Variants in C12orf42 observed in about 807,000 individuals in gnomAD.
The protein encoded by C12orf42 is uncharacterized protein C12orf42.
A neutral mutation model predicts 21.6 loss-of-function variants in C12orf42; 25 were observed. The ratio of observed to expected loss-of-function variants is 1.16; its 90% CI spans 0.84 to 1.62. C12orf42 has a LOEUF of 1.62. C12orf42 is among the 40% of genes most tolerant of loss of function. The pLI is 0.00. For missense variants in C12orf42, 483 were observed against 459.3 expected, an observed-to-expected ratio of 1.05 and a Z score of -0.47; for synonymous variants, 174 against 175.0, an observed-to-expected ratio of 0.99 and a Z score of 0.05.
intron 4 of C12orf42, among the ~76,000 whole-genome samples, chr12:103,355,699 C>A (rs970122042): frequency 3.3e-5 from 5 of 152,056 alleles, no homozygotes; most frequent in Non-Finnish European, 7.4e-5. Flanking sequence ...TTCCTCACAT[C>A]TCAGCACCCT....
At chr12:103,198,145 A>T in the C12orf42 span, among the ~76,000 whole-genome samples, 2 of 152,336 alleles carry the variant, frequency 1.3e-5, no homozygotes, top group South Asian at 2.1e-4. Context: ...GTGGCGGTGA[A>T]GCAACAGGAT....
At chr12:103,192,088 A>G in the C12orf42 span, among the ~76,000 whole-genome samples, 1 of 152,222 alleles carries the variant, frequency 6.6e-6, no homozygotes, top group Non-Finnish European at 1.5e-5. Context: ...ACACAAACAG[A>G]CAAAAACAAC....
chr12:103,271,824 G>A (rs891037817), intron 5 of C12orf42, among the ~76,000 whole-genome samples: 2 of 152,128 alleles, frequency 1.3e-5, no homozygotes, highest in Admixed American at 1.3e-4. Flanking sequence ...CTTTTACCTT[G>A]CTGATAGATT....
chr12:103,094,761 A>T, the C12orf42 span, among the ~76,000 whole-genome samples: 13 of 152,192 alleles, frequency 8.5e-5, no homozygotes, highest in African/African-American at 3.1e-4. Flanking sequence ...GTTGGAAAAA[A>T]GATTATTTCC....
chr12:103,057,465 T>C, the C12orf42 span, among the ~76,000 whole-genome samples: 1 of 152,134 alleles, frequency 6.6e-6, no homozygotes, highest in African/African-American at 2.4e-5. Flanking sequence ...GGTTTTCTAT[T>C]CCTATATTAC....
At chr12:103,535,478 C>T in the C12orf42 span, among the ~76,000 whole-genome samples, 1 of 151,246 alleles carries the variant, frequency 6.6e-6, no homozygotes, top group Non-Finnish European at 1.5e-5. Flanking sequence ...GGCTATAGTG[C>T]TTATATGAGG....
At chr12:103,072,975 C>T in the C12orf42 span, among the ~76,000 whole-genome samples, 2 of 152,244 alleles carry the variant, frequency 1.3e-5, no homozygotes, top group African/African-American at 2.4e-5. Context: ...GGTACATATA[C>T]ATCATGAAAT....
At chr12:103,207,926 G>T in the C12orf42 span, among the ~76,000 whole-genome samples, 4 of 152,240 alleles carry the variant, frequency 2.6e-5, no homozygotes, top group East Asian at 7.7e-4. Flanking sequence ...TAACTTGCTT[G>T]AACTCCCTGT....
rs1225044544 is a variant in C12orf42, at chr12:103,401,666, A to C, written c.88T>G (p.Cys30Gly). ...GCACTGCTCACAATGGGAATATAGC[A>C]AGGGGATTTCTGAAACATTAGAAAC... ...PFANRMQKSP[C>G]YIPIVSSATL... is the part of the protein sequence containing the mutation. The change falls in exon 3 of 6, where the codon TGC becomes GGC. Residue 30 changes from cysteine to glycine, a missense_variant. Cys to Gly is a radical substitution (Grantham distance 159, BLOSUM62 -3). Coordinates refer to ENST00000548883, the MANE Select transcript of C12orf42 (RefSeq NM_198521.5). 1.7e-5 allele frequency: 28 copies of C among 1,613,748 alleles called. No homozygotes were observed. Among genetic ancestry groups the C allele is most frequent in the Non-Finnish European group, 2.4e-5 (28 of 1,179,724 alleles).
At chr12:103,541,445 T>C in the C12orf42 span, among the ~76,000 whole-genome samples, 39,162 of 152,102 alleles carry the variant, frequency 0.26, 5,166 homozygotes, top group East Asian at 0.41. Context: ...AGTGATGTCA[T>C]AGCCATCCTA....
chr12:103,260,425 AC>A (rs2034835452), intron 10 of C12orf42, among the ~76,000 whole-genome samples: 1 of 152,170 alleles, frequency 6.6e-6, no homozygotes, highest in African/African-American at 2.4e-5. Context: ...AACAAGATAC[AC>A]CAAGCTTTGT....
At chr12:103,511,958 C>T in the C12orf42 span, among the ~76,000 whole-genome samples, 5 of 152,180 alleles carry the variant, frequency 3.3e-5, no homozygotes, top group South Asian at 2.1e-4. Flanking sequence ...TTGACTAAAA[C>T]AGAAGCCCTG....
chr12:103,402,799 C>A (rs1593836816), intron 2 of C12orf42, among the ~76,000 whole-genome samples: 1 of 152,158 alleles, frequency 6.6e-6, no homozygotes, highest in East Asian at 1.9e-4. Flanking sequence ...AGTACCATGA[C>A]TGAAGGATGT....
In C12orf42 at chr12:103,411,719, G is replaced by A. The variant is rs182264366; in HGVS notation, c.79-10044C>T. Among the ~76,000 whole-genome samples the A allele has an allele frequency of 4.1e-4, 62 of 152,298 alleles. No homozygotes were observed. In the East Asian group the frequency reaches 8.5e-3, roughly 21 times the overall value. On this transcript the variant is annotated intron_variant, in intron 2 of 5. Transcript: ENST00000548883. ...CCCTCACCACTGAATCTATTTGTGC[G>A]TTGATCTTGGACTTCCCATCCTCCA...
chr12:103,341,265 G>A (rs1292989800), intron 4 of C12orf42, among the ~76,000 whole-genome samples: 1 of 152,068 alleles, frequency 6.6e-6, no homozygotes, highest in Non-Finnish European at 1.5e-5. Context: ...TGAGGTGGGA[G>A]GATTGTTGGT....
intron 2 of C12orf42, among the ~76,000 whole-genome samples, chr12:103,429,609 G>GA (rs1299500946): frequency 1.3e-5 from 2 of 152,224 alleles, no homozygotes; most frequent in South Asian, 2.1e-4. Context: ...CACAGAATTA[G>GA]AAAAAACTAC....
the C12orf42 span, among the ~76,000 whole-genome samples, chr12:103,114,055 T>C: frequency 6.6e-6 from 1 of 152,126 alleles, no homozygotes; most frequent in Non-Finnish European, 1.5e-5. Context: ...CTATTGAAAA[T>C]CAGAAAACCT....
the C12orf42 span, among the ~76,000 whole-genome samples, chr12:103,056,158 G>A: frequency 6.6e-6 from 1 of 152,024 alleles, no homozygotes; most frequent in Non-Finnish European, 1.5e-5. Flanking sequence ...TACTAATTGT[G>A]GATTGGTATA....
chr12:103,393,887 T>TG (rs2047290696), intron 3 of C12orf42, among the ~76,000 whole-genome samples: 1 of 152,216 alleles, frequency 6.6e-6, no homozygotes, highest in Admixed American at 6.5e-5. Flanking sequence ...TTATGCTCTA[T>TG]GACTCTAGGC....
Sources: gnomAD v4.1 joint callset for allele counts (sites outside exome capture counted in the v4.1 genomes callset) on GRCh38, gnomAD v4.1.1 for gene constraint, MANE v1.5 for transcripts, NCBI Gene and HGNC (gene_info 2026-07-23, HGNC 2026-07-21) for gene names.